THNSL1: variants seen among roughly 807,000 people sequenced by gnomAD.
THNSL1 encodes threonine synthase like 1, also known as threonine synthase-like 1.
In THNSL1, 48 loss-of-function variants were observed where a neutral mutation model predicts 50.4. That is an observed-to-expected ratio of 0.95 (90% CI 0.76 to 1.21). THNSL1 has a LOEUF of 1.21. THNSL1 is among the 50% of genes most tolerant of loss of function. The pLI, the probability that THNSL1 is intolerant of heterozygous loss-of-function variation, is 0.00. For synonymous variants in THNSL1, 309 were observed against 306.1 expected, an observed-to-expected ratio of 1.01 and a Z score of -0.10; for missense variants, 896 against 871.7, an observed-to-expected ratio of 1.03 and a Z score of -0.35.
chr10:24,995,773 T>C, the THNSL1 span: 6 of 1,613,958 alleles, frequency 3.7e-6, no homozygotes, highest in Non-Finnish European at 5.1e-6. Context: ...TGCATTTGTA[T>C]TTATAAAATT....
rs377391207 is a variant in THNSL1, at chr10:25,024,939, A to T, written c.1716A>T (p.Leu572=). ...TAGATATTCTCAAATCTTCAAACCT[A>T]GAACGACATTTACACTTGATGGCTA... ...PSIDILKSSN[L]ERHLHLMANK... is the part of the protein sequence containing the mutation. Residue 572 remains leucine (L), a synonymous_variant, in exon 3 of 3, where the codon CTA becomes CTT. Coordinates refer to ENST00000376356, the MANE Select transcript of THNSL1 (RefSeq NM_024838.5). 6.2e-7 allele frequency: 1 copy of T among 1,614,062 alleles called. No individual in the cohort carries two copies. The highest frequency in any genetic ancestry group is 1.7e-5 in the Admixed American group (1 of 60,024).
At position 25,023,391 on chromosome 10, in the gene THNSL1, A is replaced by C. The variant is rs1384087224; in HGVS notation, c.168A>C (p.Lys56Asn). 17 of 1,614,184 alleles carry C rather than the reference A, an allele frequency of 1.1e-5. No individual in the cohort carries two copies. Among genetic ancestry groups the C allele is most frequent in the Non-Finnish European group, 1.4e-5 (16 of 1,180,000 alleles). ...CAACCCACTCTCTTGTTGGAGACAA[A>C]AATATTATCCTGATGGGACCTCCTG... ...WYSTHSLVGDKNIILMGPPGA... is the reference protein window; with the variant it reads ...WYSTHSLVGDNNIILMGPPGA... Residue 56 changes from lysine to asparagine, a missense_variant, in exon 3 of 3, where the codon AAA becomes AAC. By Grantham distance (94) the Lys-to-Asn change is moderately conservative (BLOSUM62 0). Transcript: ENST00000376356.
rs1187072456 is a variant in THNSL1 at position 25,023,802 on chromosome 10, TAAG to T, written c.583_585del (p.Lys195del). ...TACTTAAATTTAGAAGACAGTATTA[TAAG>T]AAGTGGTATGATGCTCGTGTTTTCT... On this transcript the variant is annotated inframe_deletion, in exon 3 of 3. Transcript: ENST00000376356. 8 of 1,614,100 alleles carry T rather than the reference TAAG, an allele frequency of 5.0e-6. No homozygotes were observed. The African/African-American group carries it at 5.3e-5, about 11-fold the overall frequency.
chr10:24,969,559 T>A, the THNSL1 span, among the ~76,000 whole-genome samples: 3 of 152,128 alleles, frequency 2.0e-5, no homozygotes, highest in Non-Finnish European at 4.4e-5. Context: ...AAGGAAAAAA[T>A]TCACAGAGAG....
the THNSL1 span, among the ~76,000 whole-genome samples, chr10:24,966,875 A>G: frequency 6.6e-6 from 1 of 152,226 alleles, no homozygotes; most frequent in East Asian, 1.9e-4. Flanking sequence ...TTAAGCACTT[A>G]GAATAACGCA....
the THNSL1 span, among the ~76,000 whole-genome samples, chr10:24,955,040 TCA>T: frequency 1.3e-5 from 2 of 152,200 alleles, no homozygotes; most frequent in African/African-American, 4.8e-5. Flanking sequence ...TTTAATTGAC[TCA>T]CAGTTCTGCA....
chr10:24,961,241 G>A, the THNSL1 span, among the ~76,000 whole-genome samples: 9 of 152,052 alleles, frequency 5.9e-5, no homozygotes, highest in Non-Finnish European at 1.3e-4. Context: ...CACATTCTAA[G>A]TAAAATAAAC....
At chr10:24,958,017 G>A in the THNSL1 span, among the ~76,000 whole-genome samples, 2 of 151,882 alleles carry the variant, frequency 1.3e-5, no homozygotes, top group Non-Finnish European at 2.9e-5. Flanking sequence ...ATTGACTTTT[G>A]TCAATACAAA....
At chr10:25,018,668 T>TG (rs61298183) in intron 1 of THNSL1, among the ~76,000 whole-genome samples, 5 of 151,260 alleles carry the variant, frequency 3.3e-5, no homozygotes, top group Non-Finnish European at 5.9e-5. Flanking sequence ...TGTTTTTTTT[T>TG]TTTTTTTTTT....
chr10:25,007,189 T>C, the THNSL1 span, among the ~76,000 whole-genome samples: 3 of 152,188 alleles, frequency 2.0e-5, no homozygotes, highest in Admixed American at 6.5e-5. Flanking sequence ...TGAATTCTCA[T>C]ATACAATATA....
At chr10:25,020,845 A>T (rs1850705526) in intron 1 of THNSL1, among the ~76,000 whole-genome samples, 1 of 152,206 alleles carries the variant, frequency 6.6e-6, no homozygotes, top group Admixed American at 6.5e-5. Context: ...ACTCAAAAAG[A>T]AGAAACTGTA....
At chr10:24,975,913 G>A in the THNSL1 span, among the ~76,000 whole-genome samples, 2 of 152,172 alleles carry the variant, frequency 1.3e-5, no homozygotes, top group Non-Finnish European at 2.9e-5. Flanking sequence ...TCTTAGAAAG[G>A]ATCATAATTT....
chr10:24,958,193 TAA>T, the THNSL1 span, among the ~76,000 whole-genome samples: 7 of 149,410 alleles, frequency 4.7e-5, no homozygotes, highest in East Asian at 3.9e-4. Context: ...GAAAGTAAAT[TAA>T]AAAAAAAAAC....
chr10:24,980,647 G>A, the THNSL1 span, among the ~76,000 whole-genome samples: 1 of 152,100 alleles, frequency 6.6e-6, no homozygotes, highest in Admixed American at 6.6e-5. Flanking sequence ...CAGCTGACAG[G>A]CTTTTGATAA....
chr10:24,952,503 C>T, the THNSL1 span: 5 of 1,575,494 alleles, frequency 3.2e-6, no homozygotes, highest in Non-Finnish European at 4.3e-6. This position sits in a 1 kb window ranked among gnomAD's most constrained non-coding sequence, Gnocchi z 5.1. Context: ...CGGGCCGAGC[C>T]CCAAAATAGG....
chr10:24,964,937 C>A, the THNSL1 span, among the ~76,000 whole-genome samples: 2 of 152,074 alleles, frequency 1.3e-5, no homozygotes, highest in Non-Finnish European at 2.9e-5. Context: ...GTGGTGCACA[C>A]CTGCAGTTCC....
At chr10:24,952,985 C>T in the THNSL1 span, among the ~76,000 whole-genome samples, 1 of 152,044 alleles carries the variant, frequency 6.6e-6, no homozygotes, top group African/African-American at 2.4e-5. This position sits in a 1 kb window ranked among gnomAD's most constrained non-coding sequence, Gnocchi z 5.1. Context: ...CCCCCAGGCC[C>T]CTGATTCCCA....
At chr10:25,004,124 T>G in the THNSL1 span, among the ~76,000 whole-genome samples, 1 of 152,232 alleles carries the variant, frequency 6.6e-6, no homozygotes, top group Non-Finnish European at 1.5e-5. Context: ...GTTTTATGGC[T>G]GAATAGTATC....
intron 1 of THNSL1, among the ~76,000 whole-genome samples, chr10:25,021,256 CACTT>C (rs1850713218): frequency 6.6e-6 from 1 of 152,238 alleles, no homozygotes; most frequent in Middle Eastern, 3.4e-3. Context: ...TTATTATAGA[CACTT>C]ATATAGCTAA....
Sources: allele counts gnomAD v4.1 joint callset (sites outside exome capture counted in the v4.1 genomes callset), GRCh38; gene constraint gnomAD v4.1.1; non-coding constraint Gnocchi (gnomAD v3.1); transcripts MANE v1.5; gene names NCBI Gene and HGNC (gene_info 2026-07-23, HGNC 2026-07-21).